LRP1B: variants seen among roughly 807,000 people sequenced by gnomAD.
LRP1B encodes LDL receptor related protein 1B.
Under a neutral mutation model 556.6 loss-of-function variants are expected in LRP1B, and 217 were observed. The observed-to-expected ratio is 0.39, with a 90% CI of 0.35 to 0.44. The LOEUF is 0.44. Among genes scored for constraint, LRP1B ranks in the 20% least tolerant of loss-of-function variants. The probability of loss-of-function intolerance (pLI) is 1.00; values close to 1 mark genes in which losing one functional copy is unlikely to be tolerated. For synonymous variants in LRP1B, 2,047 were observed against 1,865.8 expected (o/e 1.10, Z -2.50); for missense variants, 5,053 against 5,620.8 (o/e 0.90, Z 3.23).
At chr2:140,903,271 C>T (rs1419087457) in intron 22 of LRP1B, 106 bp from the exon 23 acceptor site, 18 of 1,298,854 alleles carry the variant, frequency 1.4e-5, no homozygotes, top group African/African-American at 1.0e-4. Flanking sequence ...CAGGATACTA[C>T]AAATGAATAT....
chr2:142,077,676 C>A (rs1705556725), intron 1 of LRP1B, among the ~76,000 whole-genome samples: 1 of 152,012 alleles, frequency 6.6e-6, no homozygotes, highest in Non-Finnish European at 1.5e-5. Context: ...AATGATAAAG[C>A]CTTCTCTGCA....
At chr2:141,184,640 G>A (rs1681160518) in intron 7 of LRP1B, among the ~76,000 whole-genome samples, 1 of 145,210 alleles carries the variant, frequency 6.9e-6, no homozygotes, top group South Asian at 2.2e-4. Context: ...TACTTCAGAT[G>A]TTCATTTCTA....
chr2:141,298,954 T>TAAAAAAAAAAAAA (rs10714514), intron 3 of LRP1B, among the ~76,000 whole-genome samples: 1 of 123,864 alleles, frequency 8.1e-6, no homozygotes. Flanking sequence ...AACTCCATCT[T>TAAAAAAAAAAAAA]AAAAAAAAAA....
chr2:140,386,888 C>T (rs1373504391), intron 66 of LRP1B, among the ~76,000 whole-genome samples: 1 of 152,056 alleles, frequency 6.6e-6, no homozygotes, highest in Admixed American at 6.6e-5. Context: ...AACAGGGCTC[C>T]ATTAAACCTT....
At chr2:140,304,904 A>C (rs1023438897) in intron 83 of LRP1B, among the ~76,000 whole-genome samples, 5 of 152,124 alleles carry the variant, frequency 3.3e-5, no homozygotes, top group African/African-American at 1.2e-4. Context: ...ACCATTTATT[A>C]AATAGGGAAT....
At chr2:140,838,579 C>T (rs1691995291) in intron 31 of LRP1B, among the ~76,000 whole-genome samples, 2 of 152,094 alleles carry the variant, frequency 1.3e-5, no homozygotes, top group Non-Finnish European at 2.9e-5. Flanking sequence ...TGTGCTACTT[C>T]AAGTAGCCCT....
At chr2:141,168,178 A>G (rs1227365153) in intron 7 of LRP1B, among the ~76,000 whole-genome samples, 1 of 152,050 alleles carries the variant, frequency 6.6e-6, no homozygotes, top group Non-Finnish European at 1.5e-5. Flanking sequence ...GATATGGCAT[A>G]TTTTCATCTG....
At chr2:141,535,199 C>T (rs978272720) in intron 2 of LRP1B, among the ~76,000 whole-genome samples, 1 of 152,110 alleles carries the variant, frequency 6.6e-6, no homozygotes, top group Non-Finnish European at 1.5e-5. Context: ...CTGAGCAGAC[C>T]TCTCTGTGAC....
rs771648679 is a variant in LRP1B, at chr2:140,702,153, T to A, written c.6290A>T (p.Tyr2097Phe). 6.8e-6 allele frequency: 11 copies of A among 1,613,026 alleles called. No individual in the cohort carries two copies. In the East Asian group the frequency reaches 2.2e-4, roughly 33 times the overall value. The part of the protein sequence containing the change: ...FSVAVFGAYI[Y>F]WSDRAHANGS... ...AAAAATAAATTACCTGTCAGACCAG[T>A]AGATGTAAGCCCCAAAGACTGCAAC... Residue 2097 changes from tyrosine (Y) to phenylalanine (F), a missense_variant, in exon 39 of 91, where the codon TAC (tyrosine) becomes TTC (phenylalanine). Coordinates refer to ENST00000389484, the MANE Select transcript of LRP1B (RefSeq NM_018557.3).
intron 17 of LRP1B, among the ~76,000 whole-genome samples, chr2:140,983,985 G>T (rs1696846754): frequency 6.6e-6 from 1 of 151,568 alleles, no homozygotes; most frequent in Admixed American, 6.6e-5. Context: ...AAATTATTCT[G>T]TCATCTATAC....
chr2:141,180,410 C>A (rs1208545901), intron 7 of LRP1B, among the ~76,000 whole-genome samples: 4 of 151,502 alleles, frequency 2.6e-5, no homozygotes, highest in African/African-American at 9.7e-5. Context: ...TTCTTTTATG[C>A]TATTTGCACA....
intron 7 of LRP1B, among the ~76,000 whole-genome samples, chr2:141,135,865 G>T (rs1321725730): frequency 1.3e-5 from 2 of 151,816 alleles, no homozygotes; most frequent in African/African-American, 4.8e-5. Flanking sequence ...CTCAGGGAAT[G>T]CAAACTAATT....
At chr2:141,922,161 G>A (rs924868579) in intron 1 of LRP1B, among the ~76,000 whole-genome samples, 20 of 152,058 alleles carry the variant, frequency 1.3e-4, no homozygotes, top group East Asian at 1.9e-4. Flanking sequence ...AATCTTGTTT[G>A]TAAAAACATA....
At position 141,964,932 on chromosome 2, in the gene LRP1B, G is replaced by A. The variant is rs1181104061; in HGVS notation, c.83-154531C>T. On this transcript the variant is annotated intron_variant, in intron 1 of 90. Transcript: ENST00000389484. ...CAAACAACCCCATCAAAAAGTGGGCGAGGGACATGAACAGACACTTCTCAA... is the reference window on the plus strand; with the variant it reads ...CAAACAACCCCATCAAAAAGTGGGCAAGGGACATGAACAGACACTTCTCAA... 5.3e-5 allele frequency among the ~76,000 whole-genome samples: 8 copies of A among 150,064 alleles called. 1 individual carries two copies. The highest frequency in any genetic ancestry group is 4.2e-4 in the South Asian group (2 of 4,754).
At chr2:141,805,121 C>A (rs1011977953) in intron 2 of LRP1B, among the ~76,000 whole-genome samples, 4 of 152,070 alleles carry the variant, frequency 2.6e-5, no homozygotes, top group Non-Finnish European at 5.9e-5. Flanking sequence ...TGAAAGAGAT[C>A]GACTGCATTT....
intron 82 of LRP1B, among the ~76,000 whole-genome samples, chr2:140,318,297 G>A (rs575856555): frequency 1.3e-5 from 2 of 152,176 alleles, no homozygotes; most frequent in South Asian, 4.2e-4. Context: ...GCTAATTTGA[G>A]TGTTGTTATC....
At chr2:141,918,225 A>G (rs28714627) in intron 1 of LRP1B, among the ~76,000 whole-genome samples, 11,675 of 151,970 alleles carry the variant, frequency 0.077, 1,492 homozygotes, top group African/African-American at 0.27. Flanking sequence ...AGGATAAATT[A>G]TAATTATTTT....
intron 7 of LRP1B, among the ~76,000 whole-genome samples, chr2:141,116,731 T>C (rs1700908890): frequency 6.6e-6 from 1 of 151,588 alleles, no homozygotes; most frequent in South Asian, 2.1e-4. Flanking sequence ...CTGAATGATT[T>C]TTTTTTTTCT....
intron 2 of LRP1B, among the ~76,000 whole-genome samples, chr2:141,719,082 TA>T (rs778195241): frequency 1.3e-5 from 2 of 152,146 alleles, no homozygotes; most frequent in Admixed American, 6.6e-5. Flanking sequence ...CTTGAGTTTT[TA>T]TGAGCAGTCT....
Sources: allele counts gnomAD v4.1 joint callset (sites outside exome capture counted in the v4.1 genomes callset), GRCh38; gene constraint gnomAD v4.1.1; transcripts MANE v1.5; gene names NCBI Gene and HGNC (gene_info 2026-07-23, HGNC 2026-07-21).